CACNG3: variants seen among roughly 807,000 people sequenced by gnomAD.
CACNG3 encodes voltage-dependent calcium channel gamma-3 subunit.
Under a neutral mutation model 28.5 loss-of-function variants are expected in CACNG3, and 3 were observed. The ratio of observed to expected loss-of-function variants is 0.11; its 90% CI spans 0.05 to 0.27. The LOEUF (loss-of-function observed/expected upper bound fraction) is 0.27. Among genes scored for constraint, CACNG3 ranks in the 10% least tolerant of loss-of-function variants. The probability of loss-of-function intolerance (pLI) is 1.00; values close to 1 mark genes in which losing one functional copy is unlikely to be tolerated. For missense variants in CACNG3, 236 were observed against 414.4 expected (o/e 0.57, Z 3.74); for synonymous variants, 174 against 162.2 (o/e 1.07, Z -0.55).
intron 1 of CACNG3, among the ~76,000 whole-genome samples, chr16:24,312,931 G>GAAAGAAAGAAAGA (rs1899286674): frequency 1.2e-5 from 1 of 86,480 alleles, no homozygotes; most frequent in Non-Finnish European, 2.5e-5. Context: ...AAGAAAGAAA[G>GAAAGAAAGAAAGA]AAAGAAAGAA....
chr16:24,264,481 C>A (rs1185569571), intron 1 of CACNG3, among the ~76,000 whole-genome samples: 1 of 152,166 alleles, frequency 6.6e-6, no homozygotes, highest in Non-Finnish European at 1.5e-5. Context: ...TACCATAGGA[C>A]CCTCCAATAA....
chr16:24,312,920 G>GAAGGAAGGAAGAAAGAAAGA, intron 1 of CACNG3, among the ~76,000 whole-genome samples: 1 of 122,032 alleles, frequency 8.2e-6, no homozygotes, highest in African/African-American at 3.3e-5. Context: ...AGGAAGGAAG[G>GAAGGAAGGAAGAAAGAAAGA]AAGAAAGAAA....
intron 1 of CACNG3, among the ~76,000 whole-genome samples, chr16:24,300,562 T>A (rs1011433080): frequency 2.7e-5 from 4 of 150,418 alleles, no homozygotes; most frequent in Non-Finnish European, 5.9e-5. Flanking sequence ...TCTGGCAGGA[T>A]CACCCATTTG....
intron 1 of CACNG3, among the ~76,000 whole-genome samples, chr16:24,257,566 C>T (rs535083169): frequency 2.0e-5 from 3 of 152,076 alleles, no homozygotes; most frequent in East Asian, 1.9e-4. Context: ...ATATGTAAAC[C>T]CCTACTCCCA....
At chr16:24,283,560 G>A (rs562534561) in intron 1 of CACNG3, among the ~76,000 whole-genome samples, 4 of 152,300 alleles carry the variant, frequency 2.6e-5, no homozygotes, top group South Asian at 4.1e-4. Flanking sequence ...TTTATAAGCT[G>A]CTTGAACATT....
chr16:24,331,165 G>T (rs561246892), intron 1 of CACNG3, among the ~76,000 whole-genome samples: 1 of 152,116 alleles, frequency 6.6e-6, no homozygotes, highest in Non-Finnish European at 1.5e-5. Flanking sequence ...GCTAGGAAGG[G>T]CTGGGCTCTT....
At chr16:24,267,863 G>T (rs1450922603) in intron 1 of CACNG3, among the ~76,000 whole-genome samples, 1 of 152,002 alleles carries the variant, frequency 6.6e-6, no homozygotes, top group African/African-American at 2.4e-5. Flanking sequence ...TAGAGACAGG[G>T]TTTCTCCATG....
chr16:24,346,592 G>T (rs1044150999), intron 1 of CACNG3, 142 bp from the exon 2 acceptor site: 3 of 612,628 alleles, frequency 4.9e-6, no homozygotes, highest in Non-Finnish European at 5.9e-6. Context: ...AAAAAATAAA[G>T]GTGCTCTTGG....
chr16:24,297,329 A>C (rs1899045730), intron 1 of CACNG3, among the ~76,000 whole-genome samples: 1 of 152,150 alleles, frequency 6.6e-6, no homozygotes, highest in South Asian at 2.1e-4. Flanking sequence ...CCCCTCCTCC[A>C]GACCAATTTA....
chr16:24,325,852 G>T (rs762764992), intron 1 of CACNG3, among the ~76,000 whole-genome samples: 7 of 152,210 alleles, frequency 4.6e-5, no homozygotes, highest in Non-Finnish European at 7.3e-5. Flanking sequence ...AGGACTCTCA[G>T]TTTGTGAGGA....
Position 24,355,410 on chromosome 16 carries a change from C to A in CACNG3, c.436+437C>A, listed in dbSNP as rs1426830672. ...CAGCACAGTGAGACCCTCATCTCTA[C>A]AAAAAACAATGTTAATTAAAAAATT... On this transcript the variant is annotated intron_variant, in intron 3 of 3. Transcript: ENST00000005284. 5.3e-5 allele frequency among the ~76,000 whole-genome samples: 8 copies of A among 151,998 alleles called. No homozygotes were observed. In the East Asian group the frequency reaches 1.6e-3, roughly 30 times the overall value.
At chr16:24,313,596 C>T (rs755635814) in intron 1 of CACNG3, among the ~76,000 whole-genome samples, 23 of 152,208 alleles carry the variant, frequency 1.5e-4, no homozygotes, top group Admixed American at 2.0e-4. Context: ...TCTCCTGGCT[C>T]AGCCTCCTGA....
At chr16:24,268,618 C>T (rs1898645357) in intron 1 of CACNG3, among the ~76,000 whole-genome samples, 2 of 152,200 alleles carry the variant, frequency 1.3e-5, no homozygotes, top group Admixed American at 6.5e-5. Context: ...TAGCACTAGG[C>T]TGTGAAGAAA....
At position 24,346,631 on chromosome 16, in the gene CACNG3, C is replaced by G. The variant is rs7204923; in HGVS notation, c.212-103C>G. The G allele has an allele frequency of 6.8e-3, 5,310 of 776,090 alleles. 174 individuals carry two copies. The African/African-American group carries it at 0.077, about 11-fold the overall frequency. The allele number at this position is 776,090 out of a possible 1,614,324, so 48.1% of individuals were successfully genotyped here. On this transcript the variant is annotated intron_variant, in intron 1 of 3. Coordinates refer to ENST00000005284, the MANE Select transcript of CACNG3 (RefSeq NM_006539.4). ...TACCAGCCCAACAACCCTACAGCCC[C>G]CAACAACCAGAGAAAGGATCTGCAC...
In CACNG3 at chr16:24,362,073, G is replaced by A. The variant is rs1900109903; in HGVS notation, c.*210G>A. 1 of 497,954 alleles carries A rather than the reference G, an allele frequency of 2.0e-6. No individual in the cohort carries two copies. The highest frequency in any genetic ancestry group is 1.9e-5 in the African/African-American group (1 of 52,186). 30.8% of individuals were successfully genotyped at this position (497,954 alleles called of 1,614,324 possible). A position where few individuals can be genotyped will look rare whatever the true frequency, so the allele number is the denominator to read the frequency against. ...TAACTTTTCAAGCCAATCCCTTAAT[G>A]TCATTCCTCTCTCTGTGTATCTGTG... On this transcript the variant is annotated 3_prime_UTR_variant, in exon 4 of 4. Transcript: ENST00000005284.
chr16:24,309,936 C>A (rs188472665), intron 1 of CACNG3, among the ~76,000 whole-genome samples: 1 of 152,078 alleles, frequency 6.6e-6, no homozygotes, highest in East Asian at 1.9e-4. Flanking sequence ...GGACTTCAGA[C>A]GTAATTTTAA....
intron 1 of CACNG3, among the ~76,000 whole-genome samples, chr16:24,342,681 A>G (rs188996983): frequency 1.2e-4 from 19 of 152,332 alleles, no homozygotes; most frequent in Admixed American, 1.1e-3. Context: ...CTAATGTTAT[A>G]ATGAGGAAAT....
intron 1 of CACNG3, among the ~76,000 whole-genome samples, chr16:24,325,905 A>G (rs76701815): frequency 0.024 from 3,715 of 152,322 alleles, 132 homozygotes; most frequent in African/African-American, 0.074. Context: ...AATAAGCGTA[A>G]GCAGCCACAT....
intron 1 of CACNG3, among the ~76,000 whole-genome samples, chr16:24,332,336 G>T (rs990870882): frequency 6.6e-6 from 1 of 151,980 alleles, no homozygotes; most frequent in Non-Finnish European, 1.5e-5. Flanking sequence ...GCGATGACAT[G>T]CACCTGCAGC....
Sources: gnomAD v4.1 joint callset for allele counts (sites outside exome capture counted in the v4.1 genomes callset) on GRCh38, gnomAD v4.1.1 for gene constraint, MANE v1.5 for transcripts, NCBI Gene and HGNC (gene_info 2026-07-23, HGNC 2026-07-21) for gene names.